The following PLAUR variants were observed in gnomAD, a reference collection of about 807,000 sequenced individuals.
PLAUR encodes the protein urokinase plasminogen activator surface receptor.
Under a neutral mutation model 33.4 loss-of-function variants are expected in PLAUR, and 22 were observed. That is an observed-to-expected ratio of 0.66 (90% CI 0.47 to 0.94). PLAUR has a LOEUF of 0.94. Ranked by LOEUF, PLAUR falls within the 40% of genes least tolerant of loss-of-function variation. PLAUR has a pLI of 0.00. For synonymous variants in PLAUR, 148 were observed against 167.3 expected, an observed-to-expected ratio of 0.88 and a Z score of 0.89; for missense variants, 408 against 434.7, an observed-to-expected ratio of 0.94 and a Z score of 0.55.
chr19:43,652,279 G>A lies in PLAUR; in HGVS notation c.700C>T (p.Leu234Phe), dbSNP rs764993049. ...THGCSSEETF[L>F]IDCRGPMNQC... is the part of the protein sequence containing the mutation. The stretch of plus-strand genomic sequence containing the variant: ...TTCATGGGGCCTCGGCAGTCAATGA[G>A]GAAAGTCTCTTCAGAGGAGCATCCA... The change falls in exon 6 of 7, where the codon CTC becomes TTC. Residue 234 changes from leucine (L) to phenylalanine (F), a missense_variant. Coordinates refer to ENST00000340093, the MANE Select transcript of PLAUR (RefSeq NM_002659.4). 2.5e-6 allele frequency: 4 copies of A among 1,614,160 alleles called. No homozygotes were observed. The highest frequency in any genetic ancestry group is 1.1e-5 in the South Asian group (1 of 91,084).
Position 43,667,573 on chromosome 19 carries a change from A to C in PLAUR, c.166+8T>G. ...CTGGAGGGGTGTGTGGGTTGGGGGGAAGCTCACCTTCCCACAAGCGCACGA... is the reference window on the plus strand; with the variant it reads ...CTGGAGGGGTGTGTGGGTTGGGGGGCAGCTCACCTTCCCACAAGCGCACGA... On this transcript the variant is annotated splice_region_variant and intron_variant, in intron 2 of 6. Coordinates refer to ENST00000340093, the MANE Select transcript of PLAUR (RefSeq NM_002659.4). 6.3e-7 allele frequency: 1 copy of C among 1,597,366 alleles called. No individual in the cohort carries two copies. Among genetic ancestry groups the C allele is most frequent in the Non-Finnish European group, 8.6e-7 (1 of 1,165,572 alleles).
At position 43,648,864 on chromosome 19, in the gene PLAUR, C is replaced by A; in HGVS notation, c.*26G>T. ...GGGCAAAGGGGTCCCCCGGATCCAG[C>A]CAGGGCAGAGAGGGGGATTTCAGGT... On this transcript the variant is annotated 3_prime_UTR_variant, in exon 7 of 7. Transcript: ENST00000340093. 1 of 1,601,218 alleles carries A rather than the reference C, an allele frequency of 6.2e-7. No homozygotes were observed.
intron 5 of PLAUR, among the ~76,000 whole-genome samples, chr19:43,654,125 G>GAAAA (rs533258807): frequency 3.7e-4 from 50 of 135,784 alleles, no homozygotes; most frequent in African/African-American, 1.0e-3. Context: ...CTCCATCTCA[G>GAAAA]AAAAAAAAAA....
intron 1 of PLAUR, 33 bp downstream of exon 1, chr19:43,670,033 T>C (rs1600150427): frequency 6.2e-7 from 1 of 1,610,042 alleles, no homozygotes; most frequent in African/African-American, 1.3e-5. Context: ...TAGACCCTGT[T>C]CCAGGCGCAG....
intron 5 of PLAUR, among the ~76,000 whole-genome samples, chr19:43,653,337 C>T (rs1191993820): frequency 6.6e-6 from 1 of 152,156 alleles, no homozygotes; most frequent in East Asian, 1.9e-4. Flanking sequence ...CTAGATTACA[C>T]TGGAGGGGAG....
At chr19:43,657,759 C>T (rs1160304513) in intron 3 of PLAUR, among the ~76,000 whole-genome samples, 2 of 152,240 alleles carry the variant, frequency 1.3e-5, no homozygotes, top group Non-Finnish European at 2.9e-5. Context: ...CCACCTGGCA[C>T]ATGGCCAGGG....
At position 43,648,778 on chromosome 19, in the gene PLAUR, A is replaced by G; in HGVS notation, c.*112T>C. On this transcript the variant is annotated 3_prime_UTR_variant, in exon 7 of 7. Coordinates refer to ENST00000340093, the MANE Select transcript of PLAUR (RefSeq NM_002659.4). Reference sequence around the variant, plus strand: ...CATAGCTGGGAAAACTGAGGCCCAGAGAGGTCGGCACACTGGCCTGAGGTC... The same window carrying G: ...CATAGCTGGGAAAACTGAGGCCCAGGGAGGTCGGCACACTGGCCTGAGGTC... The G allele has an allele frequency of 8.5e-7, 1 of 1,173,616 alleles. No homozygotes were observed. The highest frequency in any genetic ancestry group is 1.5e-5 in the South Asian group (1 of 67,478). The allele number at this position is 1,173,616 out of a possible 1,614,324, so 72.7% of individuals were successfully genotyped here.
In PLAUR at chr19:43,656,637, C is replaced by A; in HGVS notation, c.314G>T (p.Arg105Leu). ...LDLCNQGNSG[R>L]AVTYSRSRYL... Reference sequence around the variant, plus strand: ...ACGGCTTCGGGAATAGGTGACAGCCCGGCCTGTTTGGAAGAGGGGGAGGGG... The same window carrying A: ...ACGGCTTCGGGAATAGGTGACAGCCAGGCCTGTTTGGAAGAGGGGGAGGGG... Residue 105 changes from arginine (R) to leucine (L), a missense_variant, in exon 4 of 7, where the codon CGG becomes CTG. Transcript: ENST00000340093. 6.3e-7 allele frequency: 1 copy of A among 1,594,450 alleles called. No homozygotes were observed. The highest frequency in any genetic ancestry group is 8.6e-7 in the Non-Finnish European group (1 of 1,168,304).
At chr19:43,657,908 A>AAAGAATAGGGCTGGCTT (rs1319163154) in intron 3 of PLAUR, among the ~76,000 whole-genome samples, 2 of 152,118 alleles carry the variant, frequency 1.3e-5, no homozygotes, top group Non-Finnish European at 2.9e-5. Flanking sequence ...TCATGCCCTT[A>AAAGAATAGGGCTGGCTT]AAGAATAGGG....
chr19:43,665,422 G>C lies in PLAUR; in HGVS notation c.204C>G (p.Thr68=). ...EELELVEKSC[T]HSEKTNRTLS... is the part of the protein sequence containing the mutation. ...GGGTCCTGTTGGTCTTCTCTGAGTG[G>C]GTACAGCTTTTCTCCACCAGCTCCA... is the stretch of plus-strand genomic sequence containing the variant. Residue 68 remains threonine, a synonymous_variant, in exon 3 of 7, where the codon ACC becomes ACG. Coordinates refer to ENST00000340093, the MANE Select transcript of PLAUR (RefSeq NM_002659.4). 1 of 1,613,214 alleles carries C rather than the reference G, an allele frequency of 6.2e-7. No individual in the cohort carries two copies. The highest frequency in any genetic ancestry group is 1.1e-5 in the South Asian group (1 of 91,022).
chr19:43,651,956 G>T lies in PLAUR; in HGVS notation c.754+269C>A, dbSNP rs941460333. On this transcript the variant is annotated intron_variant, in intron 6 of 6. Transcript: ENST00000340093. ...TGGTCTCAAACTCCTGGCCTCAAGA[G>T]ATCCTCCGGCCTCAGCCTCCCAAAG... 7 of 1,165,914 alleles carry T rather than the reference G, an allele frequency of 6.0e-6. No individual in the cohort carries two copies. In the Admixed American group the frequency reaches 1.9e-4, roughly 32 times the overall value. The allele number at this position is 1,165,914 out of a possible 1,614,324, so 72.2% of individuals were successfully genotyped here.
At position 43,666,355 on chromosome 19, in the gene PLAUR, T is replaced by A. The variant is rs4251825; in HGVS notation, c.167-896A>T. On this transcript the variant is annotated intron_variant, in intron 2 of 6. Transcript: ENST00000340093. ...ATTGGTATCTGCAGCTCTATTTCCT[T>A]CTTTAAGCTGCAGTAGAGCGCTCCA... Among the ~76,000 whole-genome samples, 985 of 152,276 alleles carry A rather than the reference T, an allele frequency of 6.5e-3. 8 individuals carry two copies. The highest frequency in any genetic ancestry group is 0.023 in the African/African-American group (938 of 41,542).
At chr19:43,659,391 G>A (rs948987124) in intron 3 of PLAUR, among the ~76,000 whole-genome samples, 2 of 152,100 alleles carry the variant, frequency 1.3e-5, no homozygotes, top group African/African-American at 2.4e-5. Context: ...GGACTCAAAT[G>A]ATCCTGCCGC....
chr19:43,653,610 G>T (rs1422466091), intron 5 of PLAUR, among the ~76,000 whole-genome samples: 1 of 150,104 alleles, frequency 6.7e-6, no homozygotes, highest in Admixed American at 6.7e-5. Flanking sequence ...AGTGAGCCAA[G>T]ATCACGCCAC....
chr19:43,663,354 G>A (rs899329398), intron 3 of PLAUR, among the ~76,000 whole-genome samples: 1 of 126,532 alleles, frequency 7.9e-6, no homozygotes, highest in Non-Finnish European at 1.7e-5. Context: ...CACACACACA[G>A]GACTGTGAGT....
chr19:43,668,807 A>AC (rs1384488030), intron 1 of PLAUR, among the ~76,000 whole-genome samples: 1 of 147,146 alleles, frequency 6.8e-6, no homozygotes, highest in African/African-American at 2.5e-5. Context: ...CGAGGTTATA[A>AC]CCCCGCCCTC....
chr19:43,646,941 C>T (rs1032613322), downstream of PLAUR, among the ~76,000 whole-genome samples: 1 of 151,870 alleles, frequency 6.6e-6, no homozygotes, highest in East Asian at 1.9e-4. Flanking sequence ...CCACCTTACC[C>T]GGTTAATTTT....
At chr19:43,651,646 G>T in intron 6 of PLAUR, 1 of 207,928 alleles carries the variant, frequency 4.8e-6, no homozygotes, top group Non-Finnish European at 8.4e-6. Flanking sequence ...ATGGTGGCCA[G>T]GCTTGCTCTC....
At chr19:43,646,635 T>A (rs1973828861), downstream of PLAUR, 1 of 686,110 alleles carries the variant, frequency 1.5e-6, no homozygotes, top group African/African-American at 1.8e-5. Context: ...ATTCTACTGG[T>A]CAAAGCAGTC....
Sources: allele counts gnomAD v4.1 joint callset (sites outside exome capture counted in the v4.1 genomes callset), GRCh38; gene constraint gnomAD v4.1.1; transcripts MANE v1.5; gene names NCBI Gene and HGNC (gene_info 2026-07-23, HGNC 2026-07-21).